TTC34: variants seen among roughly 807,000 people sequenced by gnomAD.
TTC34 encodes the protein tetratricopeptide repeat domain 34, also known as tetratricopeptide repeat protein 34.
In TTC34, 44 loss-of-function variants were observed where a neutral mutation model predicts 40.7. The ratio of observed to expected loss-of-function variants is 1.08; its 90% CI spans 0.85 to 1.39. The LOEUF (loss-of-function observed/expected upper bound fraction) is 1.39. TTC34 is among the 40% of genes most tolerant of loss of function. TTC34 has a pLI of 0.00. For synonymous variants in TTC34, 422 were observed against 398.6 expected (o/e 1.06, Z -0.70); for missense variants, 884 against 838.0 (o/e 1.05, Z -0.68).
chr1:2,653,784 C>G (rs1268918519), intron 6 of TTC34, among the ~76,000 whole-genome samples: 40 of 141,400 alleles, frequency 2.8e-4, no homozygotes, highest in South Asian at 1.7e-3. Context: ...AGGCGAGCAT[C>G]TGACAGCCTG....
chr1:2,686,705 C>G (rs1355473940), intron 6 of TTC34, among the ~76,000 whole-genome samples: 5 of 147,820 alleles, frequency 3.4e-5, no homozygotes, highest in African/African-American at 1.3e-4. Context: ...ACGTGACAGC[C>G]TGGAACAGCA....
chr1:2,694,581 G>C (rs1640774135), intron 6 of TTC34, among the ~76,000 whole-genome samples: 1 of 104,972 alleles, frequency 9.5e-6, no homozygotes, highest in African/African-American at 3.9e-5. Context: ...GCCTGGAACA[G>C]TACCCACACC....
At chr1:2,781,172 G>A (rs374304514) in intron 6 of TTC34, among the ~76,000 whole-genome samples, 26 of 152,194 alleles carry the variant, frequency 1.7e-4, no homozygotes, top group Admixed American at 6.5e-4. Flanking sequence ...TGCAACCCTC[G>A]TACACAGAGG....
intron 6 of TTC34, among the ~76,000 whole-genome samples, chr1:2,677,622 C>T (rs374011428): frequency 3.4e-4 from 40 of 118,352 alleles, no homozygotes; most frequent in Admixed American, 5.2e-4. Flanking sequence ...CCCAGGTGAG[C>T]ATCTGACAGC....
At chr1:2,652,083 C>A (rs375331999) in intron 6 of TTC34, among the ~76,000 whole-genome samples, 1 of 28,652 alleles carries the variant, frequency 3.5e-5, no homozygotes, top group Non-Finnish European at 7.9e-5. Flanking sequence ...AGCACCCACA[C>A]CCCCAGGTGA....
chr1:2,786,358 C>T (rs1404712568), intron 4 of TTC34, among the ~76,000 whole-genome samples: 4 of 152,188 alleles, frequency 2.6e-5, no homozygotes, highest in East Asian at 3.9e-4. Context: ...CCGTGTGTTG[C>T]GATGTGGCCA....
chr1:2,698,597 A>T (rs1405030897), intron 6 of TTC34, among the ~76,000 whole-genome samples: 1 of 83,578 alleles, frequency 1.2e-5, no homozygotes, highest in Non-Finnish European at 2.5e-5. Context: ...AGCCTGGAAC[A>T]GCACCCACAC....
chr1:2,767,395 C>A (rs1342575916), intron 6 of TTC34, among the ~76,000 whole-genome samples: 2 of 130,814 alleles, frequency 1.5e-5, no homozygotes, highest in African/African-American at 2.9e-5. Context: ...TGGAGCAGCA[C>A]CCACACCCCC....
At chr1:2,675,242 C>G (rs1303980783) in intron 6 of TTC34, among the ~76,000 whole-genome samples, 3 of 145,910 alleles carry the variant, frequency 2.1e-5, no homozygotes, top group African/African-American at 5.1e-5. Flanking sequence ...CACCCACAAC[C>G]CCAGGTGAGA....
At chr1:2,779,513 C>T (rs1230409857) in intron 6 of TTC34, among the ~76,000 whole-genome samples, 1 of 151,942 alleles carries the variant, frequency 6.6e-6, no homozygotes, top group South Asian at 2.1e-4. Context: ...TTAGTAGAGA[C>T]CAGATTTCAC....
chr1:2,646,194 T>TA (rs1357163273), intron 6 of TTC34, among the ~76,000 whole-genome samples: 4 of 152,302 alleles, frequency 2.6e-5, no homozygotes, highest in South Asian at 2.1e-4. Flanking sequence ...TACGTAGCCT[T>TA]ACAGCTATGA....
chr1:2,654,321 GCACCCATACGCTCAGA>G, intron 6 of TTC34, among the ~76,000 whole-genome samples: 1 of 136,452 alleles, frequency 7.3e-6, no homozygotes, highest in South Asian at 2.5e-4. Context: ...GTCTGGAACA[GCACCCATACGCTCAGA>G]TGAGCATCTG....
intron 6 of TTC34, among the ~76,000 whole-genome samples, chr1:2,686,824 C>T (rs1640379560): frequency 7.4e-5 from 10 of 135,924 alleles, no homozygotes; most frequent in Admixed American, 2.3e-4. Flanking sequence ...CATCTGACAG[C>T]CTGGAGCAGC....
At chr1:2,777,396 G>T (rs1261099258) in intron 6 of TTC34, among the ~76,000 whole-genome samples, 1 of 149,402 alleles carries the variant, frequency 6.7e-6, no homozygotes, top group Non-Finnish European at 1.5e-5. Context: ...GCATCTGACA[G>T]CCTGGAACAG....
intron 6 of TTC34, among the ~76,000 whole-genome samples, chr1:2,749,897 A>G: frequency 2.2e-5 from 3 of 133,432 alleles, no homozygotes; most frequent in Non-Finnish European, 3.1e-5. Flanking sequence ...CCAGGCGAGC[A>G]TCTGACAGCC....
At chr1:2,641,871 G>C (rs1557577862) in exon 9 of TTC34, 1 of 1,495,582 alleles carries the variant, frequency 6.7e-7, no homozygotes. Flanking sequence ...GCGTCCAGGA[G>C]GGTGCCGGCT....
intron 6 of TTC34, among the ~76,000 whole-genome samples, chr1:2,778,910 C>T (rs1643421052): frequency 6.6e-6 from 1 of 152,192 alleles, no homozygotes; most frequent in Admixed American, 6.5e-5. Flanking sequence ...TACTAACTCT[C>T]CGTTCCCCAG....
chr1:2,771,509 G>C (rs1213685276), intron 6 of TTC34, among the ~76,000 whole-genome samples: 1 of 78,920 alleles, frequency 1.3e-5, no homozygotes, highest in Non-Finnish European at 2.3e-5. Context: ...TGACAGCCTG[G>C]AGTAGCACGC....
chr1:2,641,382 A>G (rs1429717655), exon 9 of TTC34: 2 of 1,516,750 alleles, frequency 1.3e-6, no homozygotes, highest in Admixed American at 2.0e-5. Context: ...TGTAGCCAGC[A>G]GCCTGAGGAT....
Sources: gnomAD v4.1 joint callset for allele counts (sites outside exome capture counted in the v4.1 genomes callset) on GRCh38, gnomAD v4.1.1 for gene constraint, MANE v1.5 for transcripts, NCBI Gene and HGNC (gene_info 2026-07-23, HGNC 2026-07-21) for gene names.